The following WSCD1 variants were observed in gnomAD, a reference collection of about 807,000 sequenced individuals.
The protein encoded by WSCD1 is sialate:O-sulfotransferase 1.
WSCD1 carries 41 observed loss-of-function variants against 60.4 expected under a neutral mutation model. That is an observed-to-expected ratio of 0.68 (90% CI 0.53 to 0.88). The LOEUF is 0.88. WSCD1 is among the 40% of genes least tolerant of loss of function. The pLI is 0.00. For synonymous variants in WSCD1, 361 were observed against 332.5 expected (o/e 1.09, Z -0.93); for missense variants, 784 against 796.2 (o/e 0.98, Z 0.18).
chr17:6,097,491 T>C (rs903107174), intron 5 of WSCD1, among the ~76,000 whole-genome samples: 2 of 152,212 alleles, frequency 1.3e-5, no homozygotes, highest in African/African-American at 4.8e-5. Flanking sequence ...CCCGCCCTTC[T>C]GCACTGAACT....
intron 7 of WSCD1, among the ~76,000 whole-genome samples, chr17:6,115,239 CAG>C (rs1911628547): frequency 6.6e-6 from 1 of 152,150 alleles, no homozygotes; most frequent in Non-Finnish European, 1.5e-5. Flanking sequence ...GAAAGACTAG[CAG>C]CTTGAATTTT....
Position 6,118,527 on chromosome 17 carries a change from G to A in WSCD1, c.1375+339G>A, listed in dbSNP as rs964095438. 2.6e-5 allele frequency among the ~76,000 whole-genome samples: 4 copies of A among 152,184 alleles called. No individual in the cohort carries two copies. Among genetic ancestry groups the A allele is most frequent in the Non-Finnish European group, 2.9e-5 (2 of 68,030 alleles). Reference sequence around the variant, plus strand: ...TGCTTCTGCCCAGGAGCTCATGCAGGGCTGGGAGAAGAGCACATGGGGTGC... The same window carrying A: ...TGCTTCTGCCCAGGAGCTCATGCAGAGCTGGGAGAAGAGCACATGGGGTGC... On this transcript the variant is annotated intron_variant, in intron 8 of 8. Coordinates refer to ENST00000317744, the MANE Select transcript of WSCD1 (RefSeq NM_015253.2). The surrounding 1 kb of genome is among the most constrained non-coding windows in gnomAD (Gnocchi z 5.8).
At chr17:6,120,161 G>T (rs1904570524) in intron 8 of WSCD1, 148 bp from the exon 9 acceptor site, 1 of 867,484 alleles carries the variant, frequency 1.2e-6, no homozygotes, top group South Asian at 1.7e-5. Context: ...CCACCAAAGG[G>T]TCCTCCTCCA....
intron 4 of WSCD1, among the ~76,000 whole-genome samples, chr17:6,090,901 T>G (rs1394691457): frequency 6.6e-6 from 1 of 152,086 alleles, no homozygotes. Context: ...ATTTTTTATT[T>G]TTGAGACAGA....
intron 5 of WSCD1, among the ~76,000 whole-genome samples, chr17:6,107,163 A>C (rs1911133344): frequency 6.6e-6 from 1 of 152,110 alleles, no homozygotes; most frequent in Non-Finnish European, 1.5e-5. Flanking sequence ...GCTGTATCCT[A>C]ACCTCCTCTT....
At chr17:6,106,262 C>T (rs987814059) in intron 5 of WSCD1, among the ~76,000 whole-genome samples, 13 of 152,198 alleles carry the variant, frequency 8.5e-5, no homozygotes, top group Admixed American at 7.8e-4. Context: ...TAGGTGTTTA[C>T]CCATGAGAAA....
Position 6,118,056 on chromosome 17 carries a change from A to AGGAG in WSCD1, c.1248_1251dup (p.Ile418GlyfsTer3). 1 of 1,614,192 alleles carries AGGAG rather than the reference A, an allele frequency of 6.2e-7. No homozygotes were observed. On this transcript the variant is annotated frameshift_variant, in exon 8 of 9. Transcript: ENST00000317744. LOFTEE classifies it high-confidence loss of function. This position sits in a 1 kb window ranked among gnomAD's most constrained non-coding sequence, Gnocchi z 5.8. ...CTGTGTCAAAACCCACGAGAGTGGC[A>AGGAG]GGAGGGAGATTGAGATGTTTGATTC... is the stretch of plus-strand genomic sequence containing the variant.
rs375846983 is a variant in WSCD1, at chr17:6,072,686, C to T, written c.-289+2034C>T. 6.6e-5 allele frequency among the ~76,000 whole-genome samples: 10 copies of T among 152,338 alleles called. 1 individual carries two copies. In the South Asian group the frequency reaches 1.9e-3, roughly 28 times the overall value. ...CTGGGCCCTAACATCCAGGGCTGCT[C>T]ATCTGGGGAATGAGGGAATGAATGT... is the stretch of plus-strand genomic sequence containing the variant. On this transcript the variant is annotated intron_variant, in intron 1 of 8. Transcript: ENST00000317744.
chr17:6,118,911 GCAGA>G lies in WSCD1; in HGVS notation c.1375+726_1375+729del, dbSNP rs1172433460. Among the ~76,000 whole-genome samples the G allele has an allele frequency of 6.6e-6, 1 of 152,214 alleles. No individual in the cohort carries two copies. Among genetic ancestry groups the G allele is most frequent in the Admixed American group, 6.5e-5 (1 of 15,284 alleles). On this transcript the variant is annotated intron_variant, in intron 8 of 8. Transcript: ENST00000317744. This position sits in a 1 kb window ranked among gnomAD's most constrained non-coding sequence, Gnocchi z 5.8. Reference sequence around the variant, plus strand: ...TGGGGCAGGGGGTGGTGCTTAAGCAGCAGACATTTATTTCTCATAGTCTTAGAGG... The same window carrying G: ...TGGGGCAGGGGGTGGTGCTTAAGCAGCATTTATTTCTCATAGTCTTAGAGG...
intron 7 of WSCD1, 92 bp from the exon 8 acceptor site, chr17:6,117,896 C>A: frequency 7.3e-7 from 1 of 1,360,962 alleles, no homozygotes; most frequent in Non-Finnish European, 1.0e-6. Flanking sequence ...TCTTATGCCC[C>A]TGATGCCAGC....
intron 1 of WSCD1, chr17:6,077,862 G>A (rs930512100): frequency 2.0e-5 from 3 of 152,180 alleles, no homozygotes; most frequent in African/African-American, 7.2e-5. Context: ...TCCCTAGTTT[G>A]TAACCGGAGC....
intron 5 of WSCD1, among the ~76,000 whole-genome samples, chr17:6,096,380 C>G (rs1014369817): frequency 9.2e-5 from 14 of 152,098 alleles, no homozygotes; most frequent in African/African-American, 3.1e-4. Context: ...TGCACCCCCC[C>G]ACTCCCGCTC....
chr17:6,082,721 G>A lies in WSCD1; in HGVS notation c.427+1636G>A, dbSNP rs117572761. The stretch of plus-strand genomic sequence containing the variant: ...AACTGCTCTCTGGACTGTAATAAGT[G>A]TGGCCAGAGCACAGTGGACCACCTG... On this transcript the variant is annotated intron_variant, in intron 2 of 8. Transcript: ENST00000317744. Among the ~76,000 whole-genome samples, 321 of 152,292 alleles carry A rather than the reference G, an allele frequency of 2.1e-3. 4 individuals are homozygous for A. In the East Asian group the frequency reaches 0.045, roughly 21 times the overall value.
At chr17:6,117,773 T>C (rs946726849) in intron 7 of WSCD1, among the ~76,000 whole-genome samples, 4 of 152,342 alleles carry the variant, frequency 2.6e-5, no homozygotes, top group Admixed American at 2.6e-4. Flanking sequence ...CTTTCCCCAC[T>C]GTTAGATAAC....
At chr17:6,070,798 C>A (rs1908489430) in intron 1 of WSCD1, 146 bp downstream of exon 1, 1 of 144,214 alleles carries the variant, frequency 6.9e-6, no homozygotes, top group East Asian at 2.2e-4. Flanking sequence ...GCGGGCTTGC[C>A]GGGGGCACCT....
rs139574424 is a variant in WSCD1, at chr17:6,102,901, A to G, written c.850-6706A>G. Among the ~76,000 whole-genome samples the G allele has an allele frequency of 4.1e-3, 622 of 152,270 alleles. 6 individuals carry two copies. Among genetic ancestry groups the G allele is most frequent in the African/African-American group, 0.014 (598 of 41,542 alleles). Reference sequence around the variant, plus strand: ...TGAAAATAAACCTTTGAGCCCATTCATAAGTATTTCATTGGGCTATATTGG... The same window carrying G: ...TGAAAATAAACCTTTGAGCCCATTCGTAAGTATTTCATTGGGCTATATTGG... On this transcript the variant is annotated intron_variant, in intron 5 of 8. Coordinates refer to ENST00000317744, the MANE Select transcript of WSCD1 (RefSeq NM_015253.2).
chr17:6,086,804 A>G (rs1909681370), intron 2 of WSCD1, among the ~76,000 whole-genome samples: 1 of 152,190 alleles, frequency 6.6e-6, no homozygotes, highest in African/African-American at 2.4e-5. Context: ...GGCTCTTGGC[A>G]GGAACAGAGA....
At chr17:6,105,816 AT>A (rs1022518545) in intron 5 of WSCD1, among the ~76,000 whole-genome samples, 2 of 151,976 alleles carry the variant, frequency 1.3e-5, no homozygotes, top group Non-Finnish European at 1.5e-5. Flanking sequence ...ATGCTGGTGG[AT>A]TTTTTTTCCT....
At chr17:6,096,086 G>T (rs369550837) in intron 5 of WSCD1, among the ~76,000 whole-genome samples, 1 of 152,190 alleles carries the variant, frequency 6.6e-6, no homozygotes, top group Non-Finnish European at 1.5e-5. Context: ...TTCGTTGATC[G>T]CTCATTCCAT....
Sources: gnomAD v4.1 joint callset for allele counts (sites outside exome capture counted in the v4.1 genomes callset) on GRCh38, gnomAD v4.1.1 for gene constraint, Gnocchi (gnomAD v3.1) non-coding constraint, MANE v1.5 for transcripts, NCBI Gene and HGNC (gene_info 2026-07-23, HGNC 2026-07-21) for gene names.